KIF21B: variants seen among roughly 807,000 people sequenced by gnomAD.
The protein encoded by KIF21B is kinesin-like protein KIF21B.
KIF21B carries 85 observed loss-of-function variants against 192.9 expected under a neutral mutation model. The observed-to-expected ratio is 0.44, with a 90% CI of 0.37 to 0.53. The LOEUF is 0.53. Ranked by LOEUF, KIF21B falls within the 20% of genes least tolerant of loss-of-function variation. The pLI is 0.00. For synonymous variants in KIF21B, 832 were observed against 884.6 expected (o/e 0.94, Z 1.05); for missense variants, 1,716 against 2,194.8 (o/e 0.78, Z 4.36).
intron 26 of KIF21B, among the ~76,000 whole-genome samples, chr1:200,985,767 C>T (rs1240607959): frequency 8.9e-6 from 1 of 112,024 alleles, no homozygotes; most frequent in Non-Finnish European, 1.8e-5. Context: ...TTTCCCTCCC[C>T]CACTCCCCTC....
chr1:200,998,244 A>T lies in KIF21B; in HGVS notation c.2077+140T>A. 1 of 756,518 alleles carries T rather than the reference A, an allele frequency of 1.3e-6. No individual in the cohort carries two copies. The highest frequency in any genetic ancestry group is 1.8e-5 in the South Asian group (1 of 57,026). 46.9% of individuals were successfully genotyped at this position (756,518 alleles called of 1,614,324 possible). On this transcript the variant is annotated intron_variant, in intron 14 of 34. Transcript: ENST00000461742. The surrounding 1 kb of genome is among the most constrained non-coding windows in gnomAD (Gnocchi z 4.3). Reference sequence around the variant, plus strand: ...CGTAAGAACCTTTAACTGTGGGTCAAAGGACCACAGTCAAAGGTTGGGAAG... The same window carrying T: ...CGTAAGAACCTTTAACTGTGGGTCATAGGACCACAGTCAAAGGTTGGGAAG...
intron 8 of KIF21B, chr1:201,003,313 A>G (rs957841509): frequency 1.9e-6 from 1 of 520,566 alleles, no homozygotes; most frequent in South Asian, 2.0e-5. Context: ...CACAAGATCT[A>G]TGCAACAAAA....
intron 15 of KIF21B, among the ~76,000 whole-genome samples, chr1:200,995,749 G>T (rs967711121): frequency 2.6e-5 from 4 of 152,230 alleles, no homozygotes; most frequent in Non-Finnish European, 4.4e-5. Flanking sequence ...GTGATCATGC[G>T]TGTGAGATGA....
chr1:200,979,865 A>G, intron 29 of KIF21B, 150 bp from the exon 30 acceptor site: 1 of 567,720 alleles, frequency 1.8e-6, no homozygotes, highest in Non-Finnish European at 3.0e-6. Context: ...GGAAAAAAAC[A>G]CATACACATG....
At position 200,990,649 on chromosome 1, in the gene KIF21B, C is replaced by T. The variant is rs373199147; in HGVS notation, c.2762G>A (p.Arg921Gln). 21 of 1,614,018 alleles carry T rather than the reference C, an allele frequency of 1.3e-5. No homozygotes were observed. The highest frequency in any genetic ancestry group is 8.9e-5 in the East Asian group (4 of 44,900). Residue 921 changes from arginine to glutamine, a missense_variant, in exon 19 of 35, where the codon CGA becomes CAA. By Grantham distance (43) the Arg-to-Gln change is conservative (BLOSUM62 1). Transcript: ENST00000461742. This position sits in a 1 kb window ranked among gnomAD's most constrained non-coding sequence, Gnocchi z 5.4. ...AARLKWQSLE[R>Q]RIIDIVMQRM... ...CTGCATGACGATGTCAATGATCCGT[C>T]GCTCCAGGGACTGCCACTTGAGCCT...
At position 200,974,840 on chromosome 1, in the gene KIF21B, G is replaced by A. The variant is rs1261001548; in HGVS notation, c.4688C>T (p.Ala1563Val). 6.2e-7 allele frequency: 1 copy of A among 1,614,236 alleles called. No individual in the cohort carries two copies. The highest frequency in any genetic ancestry group is 1.7e-5 in the Admixed American group (1 of 60,032). ...FIPGRPMLLS[A>V]CRAGVIKVWN... ...GACCTTGATGACACCCGCACGGCAG[G>A]CGCTGAGCAGCATGGGGCGGCCCGG... Residue 1563 changes from alanine (A) to valine (V), a missense_variant, in exon 34 of 35, where the codon GCC becomes GTC. Physicochemically the swap from Ala to Val is moderately conservative, Grantham distance 64. This residue lies in a region of KIF21B where 580 missense variants were observed against 775.5 expected (regional missense o/e 0.75). Coordinates refer to ENST00000461742, the MANE Select transcript of KIF21B (RefSeq NM_001252102.2).
intron 5 of KIF21B, 43 bp downstream of exon 5, chr1:201,005,265 C>T (rs772290560): frequency 6.5e-7 from 1 of 1,533,110 alleles, no homozygotes. Context: ...CCCGGGATAC[C>T]CCTGCAGCAA....
chr1:200,973,701 G>A, intron 34 of KIF21B, 123 bp from the exon 35 acceptor site: 1 of 1,496,614 alleles, frequency 6.7e-7, no homozygotes, highest in South Asian at 1.3e-5. Flanking sequence ...GGGGCTGGGA[G>A]GCAAGCATGG....
intron 1 of KIF21B, among the ~76,000 whole-genome samples, chr1:201,010,659 C>G (rs1658180577): frequency 6.6e-6 from 1 of 152,208 alleles, no homozygotes; most frequent in East Asian, 1.9e-4. Context: ...CCTCCTCTCC[C>G]TAAGCCAACA....
In KIF21B at chr1:201,009,486, A is replaced by G; in HGVS notation, c.44T>C (p.Ile15Thr). 6.2e-7 allele frequency: 1 copy of G among 1,613,694 alleles called. No homozygotes were observed. The highest frequency in any genetic ancestry group is 1.7e-4 in the Middle Eastern group (1 of 6,042). The change falls in exon 2 of 35, where the codon ATC becomes ACC. Residue 15 changes from isoleucine to threonine, a missense_variant and splice_region_variant. This residue lies in a region of KIF21B where 1,087 missense variants were observed against 1,316.6 expected (regional missense o/e 0.83). Transcript: ENST00000461742. ...CTTCTCCTTCGACAGCTGGGGCCGG[A>G]TCCTGCCCATGATGGAGAGAGCCCT... ...GDCCVKVAVR[I>T]RPQLSKEKIE...
At chr1:201,018,894 T>G (rs915682918) in intron 1 of KIF21B, among the ~76,000 whole-genome samples, 13 of 152,216 alleles carry the variant, frequency 8.5e-5, no homozygotes, top group African/African-American at 1.9e-4. Flanking sequence ...AAGCTTAAAC[T>G]ACAGAGACAT....
intron 1 of KIF21B, among the ~76,000 whole-genome samples, chr1:201,016,984 G>A (rs2102479554): frequency 6.6e-6 from 1 of 152,242 alleles, no homozygotes; most frequent in Non-Finnish European, 1.5e-5. Context: ...ACCTACAGGA[G>A]GCCTTGGGGT....
intron 15 of KIF21B, 35 bp downstream of exon 15, chr1:200,996,161 C>T: frequency 6.3e-7 from 1 of 1,599,440 alleles, no homozygotes; most frequent in Non-Finnish European, 8.6e-7. Context: ...GTCACAGGCA[C>T]TCCAGGCCCC....
At chr1:200,974,025 G>A (rs760109619) in intron 34 of KIF21B, 9 of 1,576,410 alleles carry the variant, frequency 5.7e-6, no homozygotes, top group Non-Finnish European at 6.9e-6. Flanking sequence ...AGCTCAGATC[G>A]AAGTGGGGAA....
chr1:200,976,735 G>T, intron 32 of KIF21B, 41 bp downstream of exon 32: 1 of 1,336,562 alleles, frequency 7.5e-7, no homozygotes, highest in Non-Finnish European at 1.1e-6. Flanking sequence ...ATTGGGGAGA[G>T]TGGAAGACCA....
In KIF21B at chr1:201,017,443, G is replaced by A. The variant is rs973629147; in HGVS notation, c.41+5900C>T. Among the ~76,000 whole-genome samples, 1 of 152,116 alleles carries A rather than the reference G, an allele frequency of 6.6e-6. No homozygotes were observed. The highest frequency in any genetic ancestry group is 1.5e-5 in the Non-Finnish European group (1 of 67,994). ...AAGTACTGCTCAGCTGTGCTGCAGC[G>A]CCACTCTCCCTGTCCCACCCCCATC... On this transcript the variant is annotated intron_variant, in intron 1 of 34. Coordinates refer to ENST00000461742, the MANE Select transcript of KIF21B (RefSeq NM_001252102.2). The surrounding 1 kb of genome is among the most constrained non-coding windows in gnomAD (Gnocchi z 4.1).
chr1:201,000,265 C>T lies in KIF21B; in HGVS notation c.1685+125G>A. 9.8e-7 allele frequency: 1 copy of T among 1,015,592 alleles called. No individual in the cohort carries two copies. The highest frequency in any genetic ancestry group is 1.4e-6 in the Non-Finnish European group (1 of 692,460). 62.9% of individuals were successfully genotyped at this position (1,015,592 alleles called of 1,614,324 possible). On this transcript the variant is annotated intron_variant, in intron 11 of 34. Coordinates refer to ENST00000461742, the MANE Select transcript of KIF21B (RefSeq NM_001252102.2). This position sits in a 1 kb window ranked among gnomAD's most constrained non-coding sequence, Gnocchi z 6.0. ...AATTCCCAAGCAATACTGAGGCAGC[C>T]CCTGGGGCTGGGGGCGTGGAGGTTC...
At chr1:200,973,611 T>A (rs1202676970) in intron 34 of KIF21B, 33 bp from the exon 35 acceptor site, 1 of 1,524,254 alleles carries the variant, frequency 6.6e-7, no homozygotes, top group Admixed American at 2.1e-5. Flanking sequence ...GGGGTGCCGG[T>A]CAGCTCTTGC....
intron 3 of KIF21B, 88 bp downstream of exon 3, chr1:201,008,681 C>G: frequency 8.1e-7 from 1 of 1,233,538 alleles, no homozygotes; most frequent in Non-Finnish European, 1.1e-6. Context: ...TCCCAGGACT[C>G]ATTCCACTGC....
Sources: gnomAD v4.1 joint callset for allele counts (sites outside exome capture counted in the v4.1 genomes callset) on GRCh38, gnomAD v4.1.1 for gene constraint, gnomAD v4.1.1 regional missense constraint, Gnocchi (gnomAD v3.1) non-coding constraint, MANE v1.5 for transcripts, NCBI Gene and HGNC (gene_info 2026-07-23, HGNC 2026-07-21) for gene names.